Variants in MYO9B observed in about 807,000 individuals in gnomAD.
MYO9B encodes the protein unconventional myosin-IXb.
Under a neutral mutation model 229.5 loss-of-function variants are expected in MYO9B, and 71 were observed. The ratio of observed to expected loss-of-function variants is 0.31; its 90% CI spans 0.26 to 0.38. The LOEUF is 0.38. MYO9B is among the 10% of genes least tolerant of loss of function. The pLI, the probability that MYO9B is intolerant of heterozygous loss-of-function variation, is 1.00. For synonymous variants in MYO9B, 1,185 were observed against 1,235.8 expected (o/e 0.96, Z 0.86); for missense variants, 2,255 against 2,920.5 (o/e 0.77, Z 5.25).
intron 1 of MYO9B, among the ~76,000 whole-genome samples, chr19:17,081,446 G>C (rs769077003): frequency 1.3e-5 from 2 of 152,154 alleles, no homozygotes; most frequent in Non-Finnish European, 2.9e-5. Flanking sequence ...GAGCAGGTTG[G>C]TTGGCCACAT....
intron 26 of MYO9B, among the ~76,000 whole-genome samples, chr19:17,201,317 G>T (rs2073104227): frequency 7.1e-6 from 1 of 141,598 alleles, no homozygotes; most frequent in African/African-American, 2.5e-5. Flanking sequence ...AACAAGCTGT[G>T]GCTGCCCTCA....
chr19:17,125,309 C>CCCG lies in MYO9B; in HGVS notation c.841-20088_841-20087insCCG, dbSNP rs879861138. On this transcript the variant is annotated intron_variant, in intron 2 of 39. Transcript: ENST00000682292. The stretch of plus-strand genomic sequence containing the variant: ...GAGTAAAACCCCATCCCCCCCCCCC[C>CCCG]AAAAAAAGGGTAAGATGAGCCCTAG... Among the ~76,000 whole-genome samples the CCCG allele has an allele frequency of 3.3e-3, 402 of 120,900 alleles. 7 individuals carry two copies. The highest frequency in any genetic ancestry group is 8.8e-3 in the African/African-American group (263 of 29,746). 79.3% of individuals were successfully genotyped at this position (120,900 alleles called of 152,430 possible). A position where few individuals can be genotyped will look rare whatever the true frequency, so the allele number is the denominator to read the frequency against.
chr19:17,122,756 C>T (rs897193950), intron 2 of MYO9B, among the ~76,000 whole-genome samples: 3 of 152,148 alleles, frequency 2.0e-5, no homozygotes, highest in African/African-American at 7.2e-5. Flanking sequence ...CCATGGTGGA[C>T]AGAGCCTTAG....
Position 17,169,068 on chromosome 19 carries a change from C to A in MYO9B, c.1793+1004C>A, listed in dbSNP as rs1024610210. ...CCCAGGAGATCAAGACCAGCCTGGG[C>A]AACACAGAAAGATTCCACCTCGGCC... On this transcript the variant is annotated intron_variant, in intron 11 of 39. Transcript: ENST00000682292. Among the ~76,000 whole-genome samples the A allele has an allele frequency of 5.3e-5, 8 of 152,190 alleles. No homozygotes were observed. In the East Asian group the frequency reaches 1.5e-3, roughly 29 times the overall value.
intron 3 of MYO9B, among the ~76,000 whole-genome samples, chr19:17,145,933 G>GGGAT (rs778037773): frequency 4.6e-5 from 7 of 151,208 alleles, no homozygotes; most frequent in South Asian, 4.2e-4. Flanking sequence ...GACTCATGAG[G>GGGAT]GGATGGATGG....
chr19:17,191,058 A>C, intron 19 of MYO9B, 39 bp from the exon 20 acceptor site: 35 of 1,598,502 alleles, frequency 2.2e-5, no homozygotes, highest in Non-Finnish European at 2.9e-5. Context: ...TGGCCAGAAC[A>C]CTCACCTAGA....
chr19:17,189,527 G>A (rs965807061), intron 19 of MYO9B, among the ~76,000 whole-genome samples: 1 of 152,024 alleles, frequency 6.6e-6, no homozygotes, highest in Non-Finnish European at 1.5e-5. Flanking sequence ...AGCTACTTGC[G>A]GGGCTGAGGC....
intron 2 of MYO9B, among the ~76,000 whole-genome samples, chr19:17,114,312 G>T (rs1014212249): frequency 7.9e-5 from 12 of 152,170 alleles, no homozygotes; most frequent in Non-Finnish European, 1.8e-4. Context: ...GCTGTTGGGC[G>T]TGGCGGGAAG....
At chr19:17,187,604 G>C (rs1353053543) in intron 18 of MYO9B, among the ~76,000 whole-genome samples, 1 of 145,154 alleles carries the variant, frequency 6.9e-6, no homozygotes, top group African/African-American at 2.6e-5. Flanking sequence ...TAAATGACTA[G>C]AGATGGAGTC....
chr19:17,081,141 C>G (rs2057530443), intron 1 of MYO9B, among the ~76,000 whole-genome samples: 1 of 152,142 alleles, frequency 6.6e-6, no homozygotes, highest in African/African-American at 2.4e-5. Context: ...GATTCTCCTG[C>G]CTCAGCCTCC....
At chr19:17,140,935 T>A (rs950545388) in intron 2 of MYO9B, among the ~76,000 whole-genome samples, 1 of 151,308 alleles carries the variant, frequency 6.6e-6, no homozygotes, top group Admixed American at 6.6e-5. Flanking sequence ...AAACCCCATC[T>A]CTACTAAAAA....
chr19:17,200,547 GT>G (rs1203088645), intron 25 of MYO9B, 91 bp from the exon 26 acceptor site: 14 of 1,507,228 alleles, frequency 9.3e-6, no homozygotes, highest in Non-Finnish European at 1.2e-5. Flanking sequence ...AGAGCCAGGG[GT>G]TTCTGGCCCT....
chr19:17,145,953 T>TGATGGATG (rs149312996), intron 3 of MYO9B, among the ~76,000 whole-genome samples: 9 of 148,996 alleles, frequency 6.0e-5, no homozygotes, highest in South Asian at 4.3e-4. Context: ...GATGGATGGA[T>TGATGGATG]GATGGATGGA....
chr19:17,202,360 G>C, intron 28 of MYO9B, 57 bp downstream of exon 28: 1 of 1,444,784 alleles, frequency 6.9e-7, no homozygotes, highest in Non-Finnish European at 9.1e-7. Flanking sequence ...CCCATGCCTC[G>C]CCATCCTTAG....
chr19:17,125,309 C>CCCCA (rs879861138), intron 2 of MYO9B, among the ~76,000 whole-genome samples: 3 of 120,862 alleles, frequency 2.5e-5, no homozygotes, highest in Non-Finnish European at 3.4e-5. Context: ...CCCCCCCCCC[C>CCCCA]AAAAAAAGGG....
intron 26 of MYO9B, 23 bp downstream of exon 26, chr19:17,200,852 AGG>A: frequency 6.2e-7 from 1 of 1,607,964 alleles, no homozygotes; most frequent in African/African-American, 1.3e-5. Context: ...GGCGAGGGCC[AGG>A]GGCATGAGGC....
intron 3 of MYO9B, among the ~76,000 whole-genome samples, chr19:17,147,961 C>A (rs1217435431): frequency 1.3e-5 from 2 of 149,886 alleles, no homozygotes; most frequent in Non-Finnish European, 3.0e-5. Flanking sequence ...GGATTACAGG[C>A]GTGAGCCACT....
chr19:17,098,939 A>G (rs1048380165), intron 1 of MYO9B, among the ~76,000 whole-genome samples: 17 of 146,926 alleles, frequency 1.2e-4, no homozygotes, highest in Non-Finnish European at 1.2e-4. Flanking sequence ...CTGACAAAAA[A>G]AAAAAAAAGA....
chr19:17,142,522 C>T (rs1408357674), intron 2 of MYO9B, among the ~76,000 whole-genome samples: 1 of 152,022 alleles, frequency 6.6e-6, no homozygotes, highest in Non-Finnish European at 1.5e-5. Flanking sequence ...AACTTTAGGG[C>T]TCCTCAAGGG....
Sources: allele counts gnomAD v4.1 joint callset (sites outside exome capture counted in the v4.1 genomes callset), GRCh38; gene constraint gnomAD v4.1.1; transcripts MANE v1.5; gene names NCBI Gene and HGNC (gene_info 2026-07-23, HGNC 2026-07-21).